The following NUBPL variants were observed in gnomAD, a reference collection of about 807,000 sequenced individuals.
The protein encoded by NUBPL is NUBP iron-sulfur cluster assembly factor, mitochondrial, also known as iron-sulfur cluster transfer protein NUBPL.
In NUBPL, 31 loss-of-function variants were observed where a neutral mutation model predicts 45.7. The observed-to-expected ratio is 0.68, with a 90% confidence interval of 0.51 to 0.92. The LOEUF is 0.92. NUBPL is among the 40% of genes least tolerant of loss of function. The pLI, the probability that NUBPL is intolerant of heterozygous loss-of-function variation, is 0.00. For missense variants in NUBPL, 401 were observed against 398.7 expected (o/e 1.01, Z -0.05); for synonymous variants, 144 against 140.9 (o/e 1.02, Z -0.15).
At chr14:31,626,297 G>A (rs2035205041) in intron 4 of NUBPL, among the ~76,000 whole-genome samples, 1 of 151,848 alleles carries the variant, frequency 6.6e-6, no homozygotes, top group South Asian at 2.1e-4. Flanking sequence ...AGTAGTCCCA[G>A]CGCCTGGCTA....
At chr14:31,778,771 G>T (rs559851692) in intron 6 of NUBPL, among the ~76,000 whole-genome samples, 1 of 152,138 alleles carries the variant, frequency 6.6e-6, no homozygotes, top group Non-Finnish European at 1.5e-5. Context: ...ACTTTAAAGG[G>T]ACCACTCAGC....
chr14:31,805,115 A>G (rs961932135), intron 7 of NUBPL, among the ~76,000 whole-genome samples: 4 of 152,176 alleles, frequency 2.6e-5, no homozygotes, highest in Admixed American at 6.5e-5. Context: ...ACGAACAGAC[A>G]CTTTTCAAAA....
intron 6 of NUBPL, among the ~76,000 whole-genome samples, chr14:31,750,627 A>G (rs1289139316): frequency 6.6e-6 from 1 of 152,036 alleles, no homozygotes; most frequent in South Asian, 2.1e-4. Context: ...TTTTGTCCCC[A>G]TATTAATATC....
Position 31,613,276 on chromosome 14 carries a change from G to A in NUBPL, c.382+13897G>A, listed in dbSNP as rs2034809122. 3.3e-5 allele frequency among the ~76,000 whole-genome samples: 5 copies of A among 152,170 alleles called. No homozygotes were observed. In the East Asian group the frequency reaches 5.8e-4, roughly 18 times the overall value. Reference sequence around the variant, plus strand: ...GAACTCATGGACAGAGAGAGTAGAAGGATCGTTACCAGAGGCTGGGAAGGG... The same window carrying A: ...GAACTCATGGACAGAGAGAGTAGAAAGATCGTTACCAGAGGCTGGGAAGGG... On this transcript the variant is annotated intron_variant, in intron 4 of 10. Transcript: ENST00000281081.
intron 3 of NUBPL, among the ~76,000 whole-genome samples, chr14:31,568,315 A>G (rs1392865767): frequency 1.3e-5 from 2 of 152,210 alleles, no homozygotes; most frequent in Non-Finnish European, 2.9e-5. Context: ...TCCAAGGATG[A>G]AAAAAACAGT....
intron 7 of NUBPL, among the ~76,000 whole-genome samples, chr14:31,803,424 CTG>C (rs757428181): frequency 1.3e-5 from 2 of 151,650 alleles, no homozygotes; most frequent in Non-Finnish European, 2.9e-5. Context: ...GATTTTAGTG[CTG>C]TGTTTCCCCT....
In NUBPL at chr14:31,859,206, C is replaced by G. The variant is rs76130953; in HGVS notation, c.*26C>G. The G allele has an allele frequency of 2.5e-3, 4,050 of 1,593,860 alleles. 90 individuals carry two copies. In the African/African-American group the frequency reaches 0.047, roughly 18 times the overall value. On this transcript the variant is annotated 3_prime_UTR_variant, in exon 11 of 11. Coordinates refer to ENST00000281081, the MANE Select transcript of NUBPL (RefSeq NM_025152.3). ...TTCCCCAAGTGTCCTGGAAATTTGC[C>G]TGGTACTGACATTAAGAGGACCTTT...
intron 6 of NUBPL, among the ~76,000 whole-genome samples, chr14:31,693,765 C>CA (rs2037143549): frequency 8.0e-6 from 1 of 125,768 alleles, no homozygotes; most frequent in Admixed American, 9.1e-5. Context: ...TTCAGTTGGA[C>CA]AGGGCGGTAG....
chr14:31,775,973 T>C (rs1386893932), intron 6 of NUBPL, among the ~76,000 whole-genome samples: 2 of 152,216 alleles, frequency 1.3e-5, no homozygotes, highest in Non-Finnish European at 2.9e-5. Context: ...AGGAAACATT[T>C]CTATATAAGC....
chr14:31,743,317 C>T (rs2038325532), intron 6 of NUBPL, among the ~76,000 whole-genome samples: 1 of 152,170 alleles, frequency 6.6e-6, no homozygotes, highest in Non-Finnish European at 1.5e-5. Context: ...AAATTATATT[C>T]TCCAGATTGG....
intron 4 of NUBPL, among the ~76,000 whole-genome samples, chr14:31,665,190 G>T (rs2036376529): frequency 6.6e-6 from 1 of 152,058 alleles, no homozygotes. Flanking sequence ...TGGATTCATT[G>T]ATTTTTTGAA....
intron 3 of NUBPL, among the ~76,000 whole-genome samples, chr14:31,599,036 A>G (rs4981105): frequency 6.6e-6 from 1 of 152,050 alleles, no homozygotes; most frequent in African/African-American, 2.4e-5. Flanking sequence ...TATGTAAAGC[A>G]TATAGGATGG....
At chr14:31,820,139 C>CAAAAAAAAAAA (rs59044182) in intron 7 of NUBPL, among the ~76,000 whole-genome samples, 1 of 111,592 alleles carries the variant, frequency 9.0e-6, no homozygotes, top group African/African-American at 3.6e-5. Context: ...GACTCCATCT[C>CAAAAAAAAAAA]AAAAAAAAAA....
At chr14:31,572,265 G>T (rs889137921) in intron 3 of NUBPL, among the ~76,000 whole-genome samples, 1 of 151,564 alleles carries the variant, frequency 6.6e-6, no homozygotes, top group Non-Finnish European at 1.5e-5. Flanking sequence ...TCAGCCTCCC[G>T]AGTAGCTGGG....
chr14:31,640,667 A>G (rs2035666952), intron 4 of NUBPL, among the ~76,000 whole-genome samples: 1 of 151,404 alleles, frequency 6.6e-6, no homozygotes, highest in Non-Finnish European at 1.5e-5. Flanking sequence ...AAATTCCCTT[A>G]ATCTTTTCAA....
intron 6 of NUBPL, among the ~76,000 whole-genome samples, chr14:31,732,030 G>A (rs539359659): frequency 3.4e-4 from 52 of 151,558 alleles, no homozygotes; most frequent in African/African-American, 8.7e-4. Context: ...GTGAAATCCC[G>A]TCTCTACTAA....
At chr14:31,814,397 T>A (rs2039874514) in intron 7 of NUBPL, among the ~76,000 whole-genome samples, 1 of 152,206 alleles carries the variant, frequency 6.6e-6, no homozygotes, top group Non-Finnish European at 1.5e-5. Flanking sequence ...TTTTTTCTTG[T>A]AAATTTGTTT....
At chr14:31,728,031 A>G (rs1344817147) in intron 6 of NUBPL, among the ~76,000 whole-genome samples, 2 of 152,170 alleles carry the variant, frequency 1.3e-5, no homozygotes, top group Non-Finnish European at 2.9e-5. Context: ...AAAAATTTTA[A>G]GGAGTTTCTG....
In NUBPL at chr14:31,723,741, G is replaced by A. The variant is rs545877314; in HGVS notation, c.513+50167G>A. 1.2e-4 allele frequency among the ~76,000 whole-genome samples: 19 copies of A among 152,042 alleles called. No homozygotes were observed. The South Asian group carries it at 3.5e-3, about 28-fold the overall frequency. ...AGATTGTGTTCCTGATTTGGCTCTCGGTTTGACTGTTGTTGCTGTATAGGA... is the reference window on the plus strand; with the variant it reads ...AGATTGTGTTCCTGATTTGGCTCTCAGTTTGACTGTTGTTGCTGTATAGGA... On this transcript the variant is annotated intron_variant, in intron 6 of 10. Coordinates refer to ENST00000281081, the MANE Select transcript of NUBPL (RefSeq NM_025152.3).
Sources: allele counts gnomAD v4.1 joint callset (sites outside exome capture counted in the v4.1 genomes callset), GRCh38; gene constraint gnomAD v4.1.1; transcripts MANE v1.5; gene names NCBI Gene and HGNC (gene_info 2026-07-23, HGNC 2026-07-21).